Variants in TRAF3 observed in about 807,000 individuals in gnomAD.
TRAF3 encodes the protein TNF receptor associated factor 3.
In TRAF3, 13 loss-of-function variants were observed where a neutral mutation model predicts 62.3. The ratio of observed to expected loss-of-function variants is 0.21; its 90% CI spans 0.14 to 0.33. The LOEUF is 0.33. TRAF3 is among the 10% of genes least tolerant of loss of function. TRAF3 has a pLI of 1.00. For missense variants in TRAF3, 440 were observed against 741.8 expected (o/e 0.59, Z 4.73); for synonymous variants, 269 against 283.4 (o/e 0.95, Z 0.51).
At chr14:102,795,518 T>G (rs1470045732) in intron 1 of TRAF3, among the ~76,000 whole-genome samples, 1 of 152,068 alleles carries the variant, frequency 6.6e-6, no homozygotes, top group East Asian at 1.9e-4. Context: ...AACATAGGCA[T>G]GAATGAGGAG....
At chr14:102,893,525 C>G (rs1889839135) in intron 9 of TRAF3, among the ~76,000 whole-genome samples, 1 of 152,150 alleles carries the variant, frequency 6.6e-6, no homozygotes, top group Non-Finnish European at 1.5e-5. Flanking sequence ...GGGGCCTAAT[C>G]CCTGTGGGGA....
In TRAF3 at chr14:102,811,913, C is replaced by CTTTTTTTTTTTTTTTTTTTTTTT. The variant is rs71119743; in HGVS notation, c.-156-18413_-156-18391dup. On this transcript the variant is annotated intron_variant, in intron 1 of 11. Transcript: ENST00000392745. The stretch of plus-strand genomic sequence containing the variant: ...TAGGCTTGTGCCACCATGCCTGGCC[C>CTTTTTTTTTTTTTTTTTTTTTTT]TTTTTTTTTTTTTTTTTTTTTTTTT... Among the ~76,000 whole-genome samples, 16 of 47,090 alleles carry CTTTTTTTTTTTTTTTTTTTTTTT rather than the reference C, an allele frequency of 3.4e-4. 6 individuals carry two copies. The highest frequency in any genetic ancestry group is 5.5e-4 in the Non-Finnish European group (15 of 27,370). The allele number at this position is 47,090 out of a possible 152,430, so 30.9% of individuals were successfully genotyped here. A position where few individuals can be genotyped will look rare whatever the true frequency, so the allele number is the denominator to read the frequency against.
chr14:102,884,123 G>T (rs1302468097), intron 6 of TRAF3, among the ~76,000 whole-genome samples: 11 of 152,192 alleles, frequency 7.2e-5, no homozygotes, highest in Admixed American at 7.2e-4. Context: ...CCAAGGCCCT[G>T]CTGTCTCTTG....
rs778217937 is a variant in TRAF3, at chr14:102,903,444, G to A, written c.1135+15G>A. On this transcript the variant is annotated intron_variant, in intron 11 of 11. Coordinates refer to ENST00000392745, the MANE Select transcript of TRAF3 (RefSeq NM_145725.3). The surrounding 1 kb of genome is among the most constrained non-coding windows in gnomAD (Gnocchi z 6.4). ...TCGGAACACAGGTGAGGCAGGGGCC[G>A]GGGCCGGGCCAGCAGTGTGCATCTG... 5.0e-6 allele frequency: 8 copies of A among 1,613,104 alleles called. No homozygotes were observed. The highest frequency in any genetic ancestry group is 1.7e-5 in the Admixed American group (1 of 59,998).
At chr14:102,853,140 G>A (rs1427446697) in intron 2 of TRAF3, among the ~76,000 whole-genome samples, 13 of 152,194 alleles carry the variant, frequency 8.5e-5, no homozygotes, top group Middle Eastern at 6.8e-3. Flanking sequence ...GACCTCAGAC[G>A]ATCCTCCTGC....
At chr14:102,812,642 G>A (rs770571750) in intron 1 of TRAF3, among the ~76,000 whole-genome samples, 14 of 152,128 alleles carry the variant, frequency 9.2e-5, no homozygotes, top group Non-Finnish European at 2.1e-4. Flanking sequence ...TTCTCAGGCC[G>A]GGCGTGGTGG....
intron 3 of TRAF3, 34 bp from the exon 4 acceptor site, chr14:102,871,883 C>G (rs2139835537): frequency 6.2e-7 from 1 of 1,607,786 alleles, no homozygotes; most frequent in East Asian, 2.2e-5. Context: ...AAAGGGACTT[C>G]CACTCTAATG....
intron 1 of TRAF3, among the ~76,000 whole-genome samples, chr14:102,818,002 G>T (rs1376993762): frequency 6.6e-6 from 1 of 152,162 alleles, no homozygotes; most frequent in Non-Finnish European, 1.5e-5. Flanking sequence ...CTGGAGAGGG[G>T]TGGGGAGCTG....
chr14:102,869,878 A>G (rs1467294422), intron 2 of TRAF3, among the ~76,000 whole-genome samples: 1 of 151,814 alleles, frequency 6.6e-6, no homozygotes, highest in African/African-American at 2.4e-5. Context: ...TGGTGCCATC[A>G]TAGCTTGGTG....
chr14:102,870,966 G>A (rs1003795145), intron 3 of TRAF3, among the ~76,000 whole-genome samples: 11 of 152,236 alleles, frequency 7.2e-5, no homozygotes, highest in Admixed American at 1.3e-4. Flanking sequence ...TGCTGGTACC[G>A]CTGGTGGATC....
intron 1 of TRAF3, among the ~76,000 whole-genome samples, chr14:102,785,163 G>A (rs1897433526): frequency 6.6e-6 from 1 of 152,178 alleles, no homozygotes; most frequent in Admixed American, 6.5e-5. Flanking sequence ...TGCTGCTGTA[G>A]AGTGCTTTTT....
chr14:102,781,892 A>G (rs1245701647), intron 1 of TRAF3, among the ~76,000 whole-genome samples: 2 of 150,846 alleles, frequency 1.3e-5, no homozygotes, highest in African/African-American at 2.4e-5. Flanking sequence ...TCCTGGATTC[A>G]GGTGATTCTC....
At chr14:102,787,972 C>A (rs1240847847) in intron 1 of TRAF3, among the ~76,000 whole-genome samples, 2 of 151,774 alleles carry the variant, frequency 1.3e-5, no homozygotes, top group Non-Finnish European at 1.5e-5. Context: ...ATGCCTCAGC[C>A]TCCCGAGTAG....
At chr14:102,859,588 G>A (rs1040332885) in intron 2 of TRAF3, among the ~76,000 whole-genome samples, 5 of 152,190 alleles carry the variant, frequency 3.3e-5, no homozygotes, top group South Asian at 2.1e-4. Context: ...GATTTAGACC[G>A]AATGTCTTTA....
intron 1 of TRAF3, among the ~76,000 whole-genome samples, chr14:102,801,404 G>A (rs1015817747): frequency 6.6e-6 from 1 of 152,044 alleles, no homozygotes; most frequent in African/African-American, 2.4e-5. Flanking sequence ...AACACATCTG[G>A]CCTCGGTTTT....
intron 6 of TRAF3, among the ~76,000 whole-genome samples, chr14:102,880,583 T>G (rs1249267939): frequency 6.6e-6 from 1 of 152,188 alleles, no homozygotes; most frequent in Non-Finnish European, 1.5e-5. Flanking sequence ...AGAAATAACA[T>G]TTGACCAAGC....
At chr14:102,779,269 C>CTTTTTTTTTTTT (rs61309052) in intron 1 of TRAF3, among the ~76,000 whole-genome samples, 2 of 123,436 alleles carry the variant, frequency 1.6e-5, no homozygotes, top group African/African-American at 3.5e-5. Context: ...AGAATTCCAG[C>CTTTTTTTTTTTT]TTTTTTTTTT....
At chr14:102,901,348 G>A (rs1252819060) in intron 10 of TRAF3, among the ~76,000 whole-genome samples, 3 of 152,146 alleles carry the variant, frequency 2.0e-5, no homozygotes, top group African/African-American at 4.8e-5. Flanking sequence ...GCTTCATTTC[G>A]GGGTTTGCTA....
At chr14:102,811,197 G>C (rs1246275962) in intron 1 of TRAF3, among the ~76,000 whole-genome samples, 1 of 152,110 alleles carries the variant, frequency 6.6e-6, no homozygotes, top group African/African-American at 2.4e-5. Flanking sequence ...TTAAGGGGAT[G>C]CCGAATTGCT....
Sources: allele counts gnomAD v4.1 joint callset (sites outside exome capture counted in the v4.1 genomes callset), GRCh38; gene constraint gnomAD v4.1.1; non-coding constraint Gnocchi (gnomAD v3.1); transcripts MANE v1.5; gene names NCBI Gene and HGNC (gene_info 2026-07-23, HGNC 2026-07-21).